COL4A4: variants seen among roughly 807,000 people sequenced by gnomAD.
COL4A4 encodes collagen alpha-4(IV) chain.
In COL4A4, 105 loss-of-function variants were observed where a neutral mutation model predicts 192.9. The observed-to-expected ratio is 0.54, with a 90% confidence interval of 0.46 to 0.64. The LOEUF is 0.64. Ranked by LOEUF, COL4A4 falls within the 30% of genes least tolerant of loss-of-function variation. The probability of loss-of-function intolerance (pLI) is 0.00; values close to 1 mark genes in which losing one functional copy is unlikely to be tolerated. For missense variants in COL4A4, 1,967 were observed against 2,169.3 expected (o/e 0.91, Z 1.85); for synonymous variants, 762 against 769.9 (o/e 0.99, Z 0.17).
chr2:227,035,284 C>A lies in COL4A4; in HGVS notation c.3506-1803G>T, dbSNP rs527599715. On this transcript the variant is annotated intron_variant, in intron 37 of 47. Transcript: ENST00000396625. ...TAGAATTTTTATTTGTATGCCATAT[C>A]TTTCTTTAATAGATTTATAGGACAA... Among the ~76,000 whole-genome samples, 12 of 152,220 alleles carry A rather than the reference C, an allele frequency of 7.9e-5. No homozygotes were observed. In the South Asian group the frequency reaches 8.3e-4, roughly 11 times the overall value.
chr2:227,068,712 T>C (rs1040240913), intron 25 of COL4A4, among the ~76,000 whole-genome samples: 6 of 151,406 alleles, frequency 4.0e-5, no homozygotes, highest in Admixed American at 3.9e-4. Context: ...TGATGGGACA[T>C]ATTTCAAAAT....
chr2:226,968,108 A>G, the COL4A4 span, among the ~76,000 whole-genome samples: 1 of 152,176 alleles, frequency 6.6e-6, no homozygotes, highest in African/African-American at 2.4e-5. Flanking sequence ...TGTGTAGTTT[A>G]CAAAGATAGG....
intron 24 of COL4A4, among the ~76,000 whole-genome samples, chr2:227,079,761 T>C (rs766943098): frequency 2.2e-4 from 33 of 152,258 alleles, no homozygotes; most frequent in Non-Finnish European, 4.1e-4. Flanking sequence ...GGAAAGGTAT[T>C]GCTTTTCAGA....
chr2:227,025,416 T>A (rs889037360), intron 43 of COL4A4, among the ~76,000 whole-genome samples: 3 of 152,204 alleles, frequency 2.0e-5, no homozygotes, highest in Non-Finnish European at 4.4e-5. Context: ...TGAGGCCCCA[T>A]TTTTTAATGT....
the COL4A4 span, among the ~76,000 whole-genome samples, chr2:226,995,210 A>G: frequency 6.6e-6 from 1 of 152,236 alleles, no homozygotes; most frequent in Non-Finnish European, 1.5e-5. Context: ...GAAGCCTCAA[A>G]ATGAGTCAAA....
chr2:227,088,214 G>A (rs1418128469), intron 22 of COL4A4, among the ~76,000 whole-genome samples: 1 of 152,198 alleles, frequency 6.6e-6, no homozygotes, highest in Non-Finnish European at 1.5e-5. Context: ...ATTAGAAAGA[G>A]GCACCTCGAT....
At position 227,099,634 on chromosome 2, in the gene COL4A4, G is replaced by T; in HGVS notation, c.1085C>A (p.Pro362His). ...PGPPGVLVTPPLPLKGPPGDP... is the reference protein window; with the variant it reads ...PGPPGVLVTPHLPLKGPPGDP... ...GGAACACAAACCTTTGAGTGGAAGA[G>T]GTGGAGTCACCAAAACACCTGGTGG... is the stretch of plus-strand genomic sequence containing the variant. The change falls in exon 18 of 48, where the codon CCT becomes CAT. Residue 362 changes from proline (P) to histidine (H), a missense_variant. Pro to His is a moderately conservative substitution (Grantham distance 77). Coordinates refer to ENST00000396625, the MANE Select transcript of COL4A4 (RefSeq NM_000092.5). 1 of 1,614,074 alleles carries T rather than the reference G, an allele frequency of 6.2e-7. No homozygotes were observed. The highest frequency in any genetic ancestry group is 8.5e-7 in the Non-Finnish European group (1 of 1,179,966).
At chr2:227,107,942 G>C (rs893678515) in intron 12 of COL4A4, among the ~76,000 whole-genome samples, 4 of 151,908 alleles carry the variant, frequency 2.6e-5, no homozygotes, top group Admixed American at 2.6e-4. Flanking sequence ...ATTTTTAGTA[G>C]AGACGGGGTT....
chr2:227,124,416 C>T (rs945409655), intron 4 of COL4A4, among the ~76,000 whole-genome samples: 2 of 152,170 alleles, frequency 1.3e-5, no homozygotes, highest in African/African-American at 4.8e-5. Context: ...ACCATTAAGT[C>T]ATTAACTCGA....
chr2:226,995,704 G>T, the COL4A4 span: 1 of 600,466 alleles, frequency 1.7e-6, no homozygotes, highest in East Asian at 2.8e-5. Context: ...CAGCTTGCGG[G>T]GAGTGGGCCT....
intron 45 of COL4A4, among the ~76,000 whole-genome samples, chr2:227,010,768 A>G (rs186408164): frequency 1.2e-3 from 183 of 152,370 alleles, no homozygotes; most frequent in African/African-American, 4.3e-3. Context: ...CCCTGCCCTC[A>G]TAGAGCTTGC....
At position 227,006,425 on chromosome 2, in the gene COL4A4, C is replaced by G. The variant is rs1962119136; in HGVS notation, c.*900G>C. The stretch of plus-strand genomic sequence containing the variant: ...CCCATTAGCACGCACGCACCTGTGA[C>G]ACGCCGGACCCCGACTGGGGAAAAG... On this transcript the variant is annotated 3_prime_UTR_variant, in exon 48 of 48. Transcript: ENST00000396625. The G allele has an allele frequency of 6.6e-6, 1 of 152,654 alleles. No individual in the cohort carries two copies. Among genetic ancestry groups the G allele is most frequent in the Admixed American group, 6.5e-5 (1 of 15,284 alleles). 9.5% of individuals were successfully genotyped at this position (152,654 alleles called of 1,614,324 possible).
At chr2:227,063,779 A>G (rs977959572) in intron 25 of COL4A4, among the ~76,000 whole-genome samples, 2 of 151,878 alleles carry the variant, frequency 1.3e-5, no homozygotes, top group South Asian at 2.1e-4. Flanking sequence ...AATATATAGT[A>G]TTATCTCAAA....
chr2:227,058,366 T>G (rs1331934197), intron 28 of COL4A4, among the ~76,000 whole-genome samples: 1 of 152,244 alleles, frequency 6.6e-6, no homozygotes, highest in Non-Finnish European at 1.5e-5. Context: ...CCTTCTTCCA[T>G]TGAACACTTC....
the COL4A4 span, among the ~76,000 whole-genome samples, chr2:226,994,622 G>A: frequency 6.6e-6 from 1 of 152,156 alleles, no homozygotes; most frequent in East Asian, 1.9e-4. Flanking sequence ...ATCTATCAGT[G>A]ATGTGTCTTC....
intron 43 of COL4A4, 116 bp downstream of exon 43, chr2:227,025,686 C>A: frequency 2.2e-6 from 2 of 900,134 alleles, no homozygotes; most frequent in Non-Finnish European, 3.6e-6. Context: ...CTTACAGCAC[C>A]CCATCTATAA....
intron 37 of COL4A4, among the ~76,000 whole-genome samples, chr2:227,034,864 A>G (rs986691649): frequency 1.3e-5 from 2 of 149,660 alleles, no homozygotes; most frequent in Non-Finnish European, 3.0e-5. Flanking sequence ...ATGATTTCCA[A>G]TTTCATCCAT....
intron 7 of COL4A4, among the ~76,000 whole-genome samples, chr2:227,118,126 G>A (rs574965405): frequency 2.4e-4 from 36 of 152,154 alleles, no homozygotes; most frequent in Admixed American, 1.4e-3. Context: ...TCCTGACTCC[G>A]GATCTCAGCT....
intron 33 of COL4A4, among the ~76,000 whole-genome samples, 159 bp from the exon 34 acceptor site, chr2:227,050,290 C>T (rs1576123702): frequency 6.6e-6 from 1 of 152,330 alleles, no homozygotes; most frequent in African/African-American, 2.4e-5. Context: ...CTACATGTAT[C>T]TAGTTTTTCA....
Sources: gnomAD v4.1 joint callset for allele counts (sites outside exome capture counted in the v4.1 genomes callset) on GRCh38, gnomAD v4.1.1 for gene constraint, MANE v1.5 for transcripts, NCBI Gene and HGNC (gene_info 2026-07-23, HGNC 2026-07-21) for gene names.